Variants in LRRC37A2 observed in about 807,000 individuals in gnomAD.
LRRC37A2 encodes leucine-rich repeat-containing protein 37A2.
Under a neutral mutation model 68.8 loss-of-function variants are expected in LRRC37A2, and 9 were observed. That is an observed-to-expected ratio of 0.13 (90% CI 0.08 to 0.23). The LOEUF (loss-of-function observed/expected upper bound fraction) is 0.23, where lower values mean the gene tolerates loss of function less well. Among genes scored for constraint, LRRC37A2 ranks in the 10% least tolerant of loss-of-function variants. The pLI is 1.00. For missense variants in LRRC37A2, 168 were observed against 950.4 expected, an observed-to-expected ratio of 0.18 and a Z score of 10.82; for synonymous variants, 63 against 367.6, an observed-to-expected ratio of 0.17 and a Z score of 9.48.
the LRRC37A2 span, among the ~76,000 whole-genome samples, chr17:46,831,910 G>A: frequency 3.9e-5 from 6 of 152,388 alleles, no homozygotes; most frequent in East Asian, 1.2e-3. Flanking sequence ...AACACCCTTT[G>A]TGTTCCTGTG....
At chr17:46,982,039 T>C in the LRRC37A2 span, among the ~76,000 whole-genome samples, 5 of 152,130 alleles carry the variant, frequency 3.3e-5, no homozygotes, top group Middle Eastern at 3.4e-3. Context: ...GAGGCACACA[T>C]AGGCACCCCA....
At chr17:46,936,344 A>G in the LRRC37A2 span, 1 of 985,432 alleles carries the variant, frequency 1.0e-6, no homozygotes, top group Non-Finnish European at 1.2e-6. Context: ...GTTAAGGCAC[A>G]TGCTAACTTC....
the LRRC37A2 span, among the ~76,000 whole-genome samples, chr17:46,491,175 G>A: frequency 4.0e-5 from 6 of 151,252 alleles, no homozygotes; most frequent in East Asian, 3.9e-4. Flanking sequence ...GGGATTATAG[G>A]CGTGAGCCAC....
chr17:46,825,339 C>T, the LRRC37A2 span, among the ~76,000 whole-genome samples: 1 of 152,228 alleles, frequency 6.6e-6, no homozygotes. Context: ...GGGCTTGGAG[C>T]CATCTTTGGT....
At chr17:46,863,823 G>C in the LRRC37A2 span, among the ~76,000 whole-genome samples, 1 of 152,110 alleles carries the variant, frequency 6.6e-6, no homozygotes, top group African/African-American at 2.4e-5. Flanking sequence ...CAGTCCTAGT[G>C]GTTCTATTCC....
At chr17:46,489,088 C>T in the LRRC37A2 span, among the ~76,000 whole-genome samples, 1 of 85,066 alleles carries the variant, frequency 1.2e-5, no homozygotes, top group Non-Finnish European at 2.5e-5. Context: ...TGAAACATAT[C>T]CTCTTGTTCT....
chr17:46,500,170 A>G, the LRRC37A2 span, among the ~76,000 whole-genome samples: 1 of 149,406 alleles, frequency 6.7e-6, no homozygotes, highest in Non-Finnish European at 1.5e-5. Flanking sequence ...TTCAGAATTC[A>G]TGCAGACCAC....
the LRRC37A2 span, among the ~76,000 whole-genome samples, chr17:46,879,939 C>T: frequency 6.6e-6 from 1 of 152,236 alleles, no homozygotes; most frequent in African/African-American, 2.4e-5. Flanking sequence ...GCCCACACTG[C>T]CCAAGAAGCT....
chr17:46,723,075 T>C, the LRRC37A2 span, among the ~76,000 whole-genome samples: 1 of 152,208 alleles, frequency 6.6e-6, no homozygotes, highest in African/African-American at 2.4e-5. Flanking sequence ...TTACAGTGTC[T>C]GAGATAAGTT....
At chr17:47,003,347 A>G in the LRRC37A2 span, among the ~76,000 whole-genome samples, 1 of 151,914 alleles carries the variant, frequency 6.6e-6, no homozygotes, top group African/African-American at 2.4e-5. Flanking sequence ...TACATGTACT[A>G]GCTGCGAGTA....
chr17:46,836,101 T>TAC, the LRRC37A2 span, among the ~76,000 whole-genome samples: 1 of 146,942 alleles, frequency 6.8e-6, no homozygotes, highest in African/African-American at 2.5e-5. Context: ...CTGACGTGTG[T>TAC]GTGTGTGTGT....
At chr17:46,960,300 CA>C in the LRRC37A2 span, among the ~76,000 whole-genome samples, 437 of 152,340 alleles carry the variant, frequency 2.9e-3, 1 homozygote, top group African/African-American at 0.01. Flanking sequence ...AATGAGGTGT[CA>C]CTACACACTT....
the LRRC37A2 span, among the ~76,000 whole-genome samples, chr17:47,000,896 A>C: frequency 4.8e-4 from 73 of 152,176 alleles, no homozygotes; most frequent in Admixed American, 2.3e-3. Context: ...GGAGCACTTT[A>C]GGAGGTTGAG....
chr17:47,040,616 T>C, the LRRC37A2 span, among the ~76,000 whole-genome samples: 2 of 98,132 alleles, frequency 2.0e-5, no homozygotes, highest in East Asian at 6.6e-4. Context: ...AATGATTAAA[T>C]GAAGATTTAC....
chr17:46,768,293 C>T, the LRRC37A2 span: 4 of 1,612,852 alleles, frequency 2.5e-6, no homozygotes, highest in African/African-American at 1.3e-5. The surrounding 1 kb of genome is among the most constrained non-coding windows in gnomAD (Gnocchi z 5.0). Flanking sequence ...AGCCTCCCCC[C>T]TGCTTCCCGG....
At chr17:47,017,833 G>A in the LRRC37A2 span, 1 of 1,610,232 alleles carries the variant, frequency 6.2e-7, no homozygotes, top group Non-Finnish European at 8.5e-7. Flanking sequence ...GAGCAAGTTG[G>A]ACCTTCTCAA....
the LRRC37A2 span, among the ~76,000 whole-genome samples, chr17:46,847,603 T>C: frequency 6.6e-6 from 1 of 152,200 alleles, no homozygotes; most frequent in Non-Finnish European, 1.5e-5. Context: ...ACACCAGTCC[T>C]GTCCAGGCTC....
At chr17:46,915,318 C>T in the LRRC37A2 span, among the ~76,000 whole-genome samples, 1 of 152,148 alleles carries the variant, frequency 6.6e-6, no homozygotes, top group Non-Finnish European at 1.5e-5. Context: ...AGCATGGTGG[C>T]CTCAGGTTGC....
the LRRC37A2 span, among the ~76,000 whole-genome samples, chr17:47,036,146 A>G: frequency 6.6e-6 from 1 of 152,054 alleles, no homozygotes; most frequent in Admixed American, 6.6e-5. Context: ...TTTGATGCAC[A>G]AAAGTTTTTA....
Sources: allele counts gnomAD v4.1 joint callset (sites outside exome capture counted in the v4.1 genomes callset), GRCh38; gene constraint gnomAD v4.1.1; non-coding constraint Gnocchi (gnomAD v3.1); transcripts MANE v1.5; gene names NCBI Gene and HGNC (gene_info 2026-07-23, HGNC 2026-07-21).